Variants in PIK3R2 observed in about 807,000 individuals in gnomAD.
PIK3R2 encodes phosphoinositide-3-kinase regulatory subunit 2.
In PIK3R2, 40 loss-of-function variants were observed where a neutral mutation model predicts 78.5. The ratio of observed to expected loss-of-function variants is 0.51; its 90% CI spans 0.40 to 0.66. The LOEUF is 0.66. PIK3R2 is among the 30% of genes least tolerant of loss of function. The pLI is 0.00. For synonymous variants in PIK3R2, 473 were observed against 457.7 expected, an observed-to-expected ratio of 1.03 and a Z score of -0.43; for missense variants, 880 against 1,026.6, an observed-to-expected ratio of 0.86 and a Z score of 1.95.
intron 15 of PIK3R2, 59 bp from the exon 16 acceptor site, chr19:18,169,028 C>T (rs529936145): frequency 1.3e-6 from 2 of 1,576,652 alleles, no homozygotes; most frequent in South Asian, 1.1e-5. Context: ...GGCCCTGGAA[C>T]GGGGAAAGCT....
At position 18,161,975 on chromosome 19, in the gene PIK3R2, C is replaced by A. The variant is rs2043752999; in HGVS notation, c.825C>A (p.Pro275=). Residue 275 remains proline, a synonymous_variant, in exon 7 of 16, where the codon CCC becomes CCA. Coordinates refer to ENST00000222254, the MANE Select transcript of PIK3R2 (RefSeq NM_005027.4). The surrounding 1 kb of genome is among the most constrained non-coding windows in gnomAD (Gnocchi z 5.3). The part of the protein sequence containing the change: ...PPGGAPDGSE[P]SPDFPALLVE... ...TCCCCTTCCCCCTAAGGAGTGAGCCCAGCCCTGACTTCCCGGCGCTGCTGG... is the reference window on the plus strand; with the variant it reads ...TCCCCTTCCCCCTAAGGAGTGAGCCAAGCCCTGACTTCCCGGCGCTGCTGG... 1 of 1,613,844 alleles carries A rather than the reference C, an allele frequency of 6.2e-7. No individual in the cohort carries two copies. The highest frequency in any genetic ancestry group is 1.7e-5 in the Admixed American group (1 of 59,990).
rs1207656821 is a variant in PIK3R2, at chr19:18,169,903, C to T, written c.*609C>T. On this transcript the variant is annotated 3_prime_UTR_variant, in exon 16 of 16. Transcript: ENST00000222254. ...GGCCGCTGCGAGAAGTTCACCCACC[C>T]CCGAAAAAATAATTAAACTCGCAGG... 6 of 195,292 alleles carry T rather than the reference C, an allele frequency of 3.1e-5. No homozygotes were observed. The East Asian group carries it at 4.8e-4, about 16-fold the overall frequency. The allele number at this position is 195,292 out of a possible 1,614,324, so 12.1% of individuals were successfully genotyped here.
intron 2 of PIK3R2, among the ~76,000 whole-genome samples, chr19:18,157,288 C>T (rs2147946401): frequency 6.6e-6 from 1 of 152,332 alleles, no homozygotes; most frequent in South Asian, 2.1e-4. Context: ...CGTCTGGGCT[C>T]CCAGCCAGAA....
rs1205859299 is a variant in PIK3R2 at position 18,170,327 on chromosome 19, T to C, written c.*1033T>C. On this transcript the variant is annotated 3_prime_UTR_variant, in exon 16 of 16. Coordinates refer to ENST00000222254, the MANE Select transcript of PIK3R2 (RefSeq NM_005027.4). ...CGACACTGCCCACGGCCCCTCCCTC[T>C]GATGCAGATTCAGGGCTTCTCTTCG... 6.6e-6 allele frequency: 1 copy of C among 152,186 alleles called. No individual in the cohort carries two copies. The highest frequency in any genetic ancestry group is 1.5e-5 in the Non-Finnish European group (1 of 68,042). 9.4% of individuals were successfully genotyped at this position (152,186 alleles called of 1,614,324 possible).
Position 18,167,238 on chromosome 19 carries a change from C to A in PIK3R2, c.1668C>A (p.Ile556=), listed in dbSNP as rs756916682. Residue 556 remains isoleucine (I), a synonymous_variant, in exon 13 of 16, where the codon ATC becomes ATA. Transcript: ENST00000222254. The surrounding 1 kb of genome is among the most constrained non-coding windows in gnomAD (Gnocchi z 4.5). ...CCCAGGCCTCGGACAACAGAGAGATCGACAAGCGCATGAACAGCCTCAAGC... is the reference window on the plus strand; with the variant it reads ...CCCAGGCCTCGGACAACAGAGAGATAGACAAGCGCATGAACAGCCTCAAGC... ...LRAQASDNRE[I]DKRMNSLKPD... is the part of the protein sequence containing the mutation. The A allele has an allele frequency of 3.3e-5, 53 of 1,612,764 alleles. No homozygotes were observed. Among genetic ancestry groups the A allele is most frequent in the Non-Finnish European group, 4.3e-5 (51 of 1,179,560 alleles).
chr19:18,169,046 G>T (rs1031129797), intron 15 of PIK3R2, 41 bp from the exon 16 acceptor site: 2 of 1,586,636 alleles, frequency 1.3e-6, no homozygotes, highest in African/African-American at 1.3e-5. Context: ...GCTTGGCGGG[G>T]AGGCCAGCCT....
chr19:18,153,594 C>T (rs1457716553), intron 1 of PIK3R2, among the ~76,000 whole-genome samples: 1 of 152,172 alleles, frequency 6.6e-6, no homozygotes, highest in Non-Finnish European at 1.5e-5. Flanking sequence ...TCGAATAGTA[C>T]CGAGGGGCGC....
rs767495472 is a variant in PIK3R2, at chr19:18,155,921, G to A, written c.42G>A (p.Pro14=). The change falls in exon 2 of 16, where the codon CCG becomes CCA. Residue 14 remains proline (P), a synonymous_variant. Coordinates refer to ENST00000222254, the MANE Select transcript of PIK3R2 (RefSeq NM_005027.4). The stretch of plus-strand genomic sequence containing the variant: ...GCTTCCAGTACCGCGCTCTGTACCC[G>A]TTCCGCCGGGAGCGGCCGGAGGACC... ...PEGFQYRALY[P]FRRERPEDLE... The A allele has an allele frequency of 1.1e-5, 17 of 1,566,372 alleles. No homozygotes were observed. Among genetic ancestry groups the A allele is most frequent in the Middle Eastern group, 1.7e-4 (1 of 6,024 alleles).
At chr19:18,153,818 GGGGC>G (rs2043648316) in intron 1 of PIK3R2, among the ~76,000 whole-genome samples, 1 of 152,154 alleles carries the variant, frequency 6.6e-6, no homozygotes, top group Non-Finnish European at 1.5e-5. Flanking sequence ...CGCGCACACC[GGGGC>G]GTGGGGGCGG....
At position 18,168,925 on chromosome 19, in the gene PIK3R2, C is replaced by T. The variant is rs1287561876; in HGVS notation, c.1979+29C>T. 5 of 1,598,220 alleles carry T rather than the reference C, an allele frequency of 3.1e-6. No individual in the cohort carries two copies. Among genetic ancestry groups the T allele is most frequent in the East Asian group, 2.3e-5 (1 of 43,760 alleles). ...AGTGGACCGCAGCGGTGGGGATTCCCGCGTCCCTCCCAGAGCTCTCATTGA... is the reference window on the plus strand; with the variant it reads ...AGTGGACCGCAGCGGTGGGGATTCCTGCGTCCCTCCCAGAGCTCTCATTGA... On this transcript the variant is annotated intron_variant, in intron 15 of 15. Coordinates refer to ENST00000222254, the MANE Select transcript of PIK3R2 (RefSeq NM_005027.4). The surrounding 1 kb of genome is among the most constrained non-coding windows in gnomAD (Gnocchi z 4.1).
rs2043669736 is a variant in PIK3R2, at chr19:18,155,673, C to G, written c.-207C>G. ...TCCCACCAGCTGACGAATGGTGGAC[C>G]CAGTGACGAGTGGCCCTTGTAAGGG... is the stretch of plus-strand genomic sequence containing the variant. On this transcript the variant is annotated 5_prime_UTR_variant, in exon 2 of 16. Transcript: ENST00000222254. 2 of 554,418 alleles carry G rather than the reference C, an allele frequency of 3.6e-6. No homozygotes were observed. The allele number at this position is 554,418 out of a possible 1,614,324, so 34.3% of individuals were successfully genotyped here.
intron 1 of PIK3R2, among the ~76,000 whole-genome samples, chr19:18,154,798 C>T (rs1328557792): frequency 6.9e-6 from 1 of 144,856 alleles, no homozygotes; most frequent in Non-Finnish European, 1.6e-5. Context: ...GTTTACTGGC[C>T]GGGCGCGGTG....
intron 10 of PIK3R2, 57 bp from the exon 11 acceptor site, chr19:18,163,206 T>C: frequency 1.2e-6 from 2 of 1,613,778 alleles, no homozygotes; most frequent in Non-Finnish European, 1.7e-6. Context: ...GGCCTCAGTT[T>C]CCTAGGTAGA....
At chr19:18,165,361 T>C (rs528838254) in intron 11 of PIK3R2, among the ~76,000 whole-genome samples, 181 of 7,664 alleles carry the variant, frequency 0.024, 2 homozygotes, top group South Asian at 0.063. Context: ...AGACTCCGTC[T>C]CAAAAAAAAA....
rs887581573 is a variant in PIK3R2, at chr19:18,170,325, T to C, written c.*1031T>C. 1 of 152,186 alleles carries C rather than the reference T, an allele frequency of 6.6e-6. No homozygotes were observed. Among genetic ancestry groups the C allele is most frequent in the Non-Finnish European group, 1.5e-5 (1 of 68,030 alleles). 9.4% of individuals were successfully genotyped at this position (152,186 alleles called of 1,614,324 possible). On this transcript the variant is annotated 3_prime_UTR_variant, in exon 16 of 16. Transcript: ENST00000222254. ...TGCGACACTGCCCACGGCCCCTCCC[T>C]CTGATGCAGATTCAGGGCTTCTCTT...
Position 18,169,451 on chromosome 19 carries a change from T to G in PIK3R2, c.*157T>G. On this transcript the variant is annotated 3_prime_UTR_variant, in exon 16 of 16. Coordinates refer to ENST00000222254, the MANE Select transcript of PIK3R2 (RefSeq NM_005027.4). ...GTTCTCTCACCCTCTTTCTCTTTCC[T>G]TCCCTCCCCCATTCTCCAGATCTCC... 5.5e-6 allele frequency: 2 copies of G among 364,300 alleles called. No individual in the cohort carries two copies. The highest frequency in any genetic ancestry group is 4.9e-6 in the Non-Finnish European group (1 of 204,080). 22.6% of individuals were successfully genotyped at this position (364,300 alleles called of 1,614,324 possible).
chr19:18,159,361 G>A (rs2043716753), intron 2 of PIK3R2, among the ~76,000 whole-genome samples: 1 of 151,804 alleles, frequency 6.6e-6, no homozygotes, highest in African/African-American at 2.4e-5. Context: ...CCCCTCTGAA[G>A]TTTCCTTCCT....
intron 2 of PIK3R2, 67 bp from the exon 3 acceptor site, chr19:18,160,404 C>G: frequency 2.0e-6 from 2 of 989,012 alleles, no homozygotes; most frequent in Non-Finnish European, 3.2e-6. Flanking sequence ...GTTCAGCCAG[C>G]AAAGAGAGGG....
rs750813850 is a variant in PIK3R2 at position 18,168,891 on chromosome 19, C to T, written c.1974C>T (p.Ser658=). The T allele has an allele frequency of 9.9e-6, 16 of 1,612,136 alleles. No individual in the cohort carries two copies. Among genetic ancestry groups the T allele is most frequent in the African/African-American group, 1.3e-5 (1 of 74,898 alleles). The change falls in exon 15 of 16, where the codon TCC becomes TCT. Residue 658 remains serine, a synonymous_variant. Coordinates refer to ENST00000222254, the MANE Select transcript of PIK3R2 (RefSeq NM_005027.4). This position sits in a 1 kb window ranked among gnomAD's most constrained non-coding sequence, Gnocchi z 4.1. ...GCCAGCGGGGCTGCTACGCCTGCTC[C>T]GTGGTGTGAGTGGACCGCAGCGGTG... ...ESSQRGCYAC[S]VVVDGDTKHC... is the part of the protein sequence containing the mutation.
Sources: allele counts gnomAD v4.1 joint callset (sites outside exome capture counted in the v4.1 genomes callset), GRCh38; gene constraint gnomAD v4.1.1; non-coding constraint Gnocchi (gnomAD v3.1); transcripts MANE v1.5; gene names NCBI Gene and HGNC (gene_info 2026-07-23, HGNC 2026-07-21).